Variants in ADGRG7 observed in about 807,000 individuals in gnomAD.
The protein encoded by ADGRG7 is adhesion G protein-coupled receptor G7.
A neutral mutation model predicts 88.6 loss-of-function variants in ADGRG7; 82 were observed. The observed-to-expected ratio is 0.93, with a 90% confidence interval of 0.77 to 1.11. The LOEUF is 1.11. Among genes scored for constraint, ADGRG7 ranks in the 50% most tolerant of loss-of-function variants. The probability of loss-of-function intolerance (pLI) is 0.00; values close to 1 mark genes in which losing one functional copy is unlikely to be tolerated. For synonymous variants in ADGRG7, 381 were observed against 345.2 expected, an observed-to-expected ratio of 1.10 and a Z score of -1.15; for missense variants, 945 against 953.4, an observed-to-expected ratio of 0.99 and a Z score of 0.12.
intron 1 of ADGRG7, among the ~76,000 whole-genome samples, chr3:100,622,920 T>C (rs1707334917): frequency 6.9e-6 from 1 of 144,274 alleles, no homozygotes; most frequent in Non-Finnish European, 1.6e-5. Flanking sequence ...CGGAAAATTT[T>C]TGTTTTTGTT....
chr3:100,643,427 C>T (rs747256166), intron 7 of ADGRG7, 22 bp downstream of exon 7: 1 of 1,613,016 alleles, frequency 6.2e-7, no homozygotes, highest in Non-Finnish European at 8.5e-7. Flanking sequence ...ATCTTATGTG[C>T]TTGTAACAGC....
intron 11 of ADGRG7, among the ~76,000 whole-genome samples, chr3:100,653,788 T>G (rs541492838): frequency 6.6e-6 from 1 of 151,990 alleles, no homozygotes; most frequent in East Asian, 1.9e-4. Flanking sequence ...AGGACTTTCA[T>G]GCAATTTTTT....
At chr3:100,683,625 G>T (rs953753072) in intron 15 of ADGRG7, among the ~76,000 whole-genome samples, 4 of 152,220 alleles carry the variant, frequency 2.6e-5, no homozygotes, top group African/African-American at 9.6e-5. Context: ...CTCGTCCTTG[G>T]CAGGTGTGGG....
At position 100,643,411 on chromosome 3, in the gene ADGRG7, CT is replaced by C; in HGVS notation, c.838+7del. The C allele has an allele frequency of 6.2e-7, 1 of 1,613,590 alleles. No homozygotes were observed. The highest frequency in any genetic ancestry group is 8.5e-7 in the Non-Finnish European group (1 of 1,179,772). ...TCGCTTCTCTGTGCAGAAAGGTGAG[CT>C]GTTAATCTTATGTGCTTGTAACAGC... On this transcript the variant is annotated splice_region_variant and intron_variant, in intron 7 of 15. Coordinates refer to ENST00000273352, the MANE Select transcript of ADGRG7 (RefSeq NM_032787.3).
rs1216901614 is a variant in ADGRG7 at position 100,629,657 on chromosome 3, G to A, written c.175G>A (p.Glu59Lys). Residue 59 changes from glutamate to lysine, a missense_variant, in exon 2 of 16, where the codon GAA (glutamate) becomes AAA (lysine). Coordinates refer to ENST00000273352, the MANE Select transcript of ADGRG7 (RefSeq NM_032787.3). Reference protein sequence around the residue: ...TEFCRNGGTWENGRCICTEEW... With the variant: ...TEFCRNGGTWKNGRCICTEEW... ...GTTCTGCAGGAATGGTGGAACCTGG[G>A]AAAATGGCAGATGTATTTGTACAGA... 1.2e-6 allele frequency: 2 copies of A among 1,613,358 alleles called. No individual in the cohort carries two copies. The highest frequency in any genetic ancestry group is 2.7e-5 in the African/African-American group (2 of 74,978).
chr3:100,677,949 A>G (rs2094967796), intron 15 of ADGRG7, among the ~76,000 whole-genome samples: 1 of 151,926 alleles, frequency 6.6e-6, no homozygotes, highest in Non-Finnish European at 1.5e-5. Flanking sequence ...CTTGTACTTG[A>G]GCATTGATAT....
intron 1 of ADGRG7, among the ~76,000 whole-genome samples, chr3:100,624,506 G>A (rs1360203950): frequency 1.2e-4 from 18 of 152,136 alleles, no homozygotes; most frequent in Non-Finnish European, 5.9e-5. Context: ...TCTGATAACA[G>A]TTTATTTTGC....
At chr3:100,652,319 A>G (rs1354000100) in intron 11 of ADGRG7, among the ~76,000 whole-genome samples, 2 of 152,202 alleles carry the variant, frequency 1.3e-5, no homozygotes, top group African/African-American at 2.4e-5. Flanking sequence ...ATGATGAAAC[A>G]TCGTAAAAAC....
intron 15 of ADGRG7, among the ~76,000 whole-genome samples, chr3:100,670,045 C>A (rs1361873864): frequency 6.6e-6 from 1 of 151,988 alleles, no homozygotes; most frequent in Non-Finnish European, 1.5e-5. Flanking sequence ...CTCAAAAAAA[C>A]AAAAATTATT....
chr3:100,624,458 G>A (rs964803116), intron 1 of ADGRG7, among the ~76,000 whole-genome samples: 6 of 152,226 alleles, frequency 3.9e-5, no homozygotes, highest in African/African-American at 1.4e-4. Flanking sequence ...TGAAGAGATT[G>A]CAAAAAATTT....
chr3:100,623,599 A>G (rs1475279263), intron 1 of ADGRG7, among the ~76,000 whole-genome samples: 2 of 152,170 alleles, frequency 1.3e-5, no homozygotes, highest in Non-Finnish European at 2.9e-5. Context: ...TTTGTTACAT[A>G]GGTATACGTG....
chr3:100,654,726 A>G (rs1337523775), intron 11 of ADGRG7, 109 bp from the exon 12 acceptor site: 1 of 666,010 alleles, frequency 1.5e-6, no homozygotes, highest in East Asian at 2.8e-5. Flanking sequence ...TATGAACTGA[A>G]CTTACATTGG....
intron 1 of ADGRG7, among the ~76,000 whole-genome samples, chr3:100,611,290 T>C (rs1326545888): frequency 6.8e-6 from 1 of 147,266 alleles, no homozygotes; most frequent in African/African-American, 2.5e-5. Context: ...CTTCCTTCCT[T>C]CCTTCCTTCC....
Position 100,633,286 on chromosome 3 carries a change from G to C in ADGRG7, c.356G>C (p.Arg119Pro). Reference sequence around the variant, plus strand: ...AAAGCGGGCAATCCAATGGCAGTCCGGTTGTGCAGTCTCTCTCTATATGGA... The same window carrying C: ...AAAGCGGGCAATCCAATGGCAGTCCCGTTGTGCAGTCTCTCTCTATATGGA... Reference protein sequence around the residue: ...TPNAGNPMAVRLCSLSLYGEI... With the variant: ...TPNAGNPMAVPLCSLSLYGEI... Residue 119 changes from arginine to proline, a missense_variant, in exon 4 of 16, where the codon CGG becomes CCG. Arg to Pro is a moderately radical substitution (Grantham distance 103, BLOSUM62 -2). Coordinates refer to ENST00000273352, the MANE Select transcript of ADGRG7 (RefSeq NM_032787.3). 6.7e-7 allele frequency: 1 copy of C among 1,500,120 alleles called. No homozygotes were observed. Among genetic ancestry groups the C allele is most frequent in the Non-Finnish European group, 8.9e-7 (1 of 1,121,902 alleles). 92.9% of individuals were successfully genotyped at this position (1,500,120 alleles called of 1,614,324 possible). A position where few individuals can be genotyped will look rare whatever the true frequency, so the allele number is the denominator to read the frequency against.
At chr3:100,656,328 A>C (rs951730094) in intron 13 of ADGRG7, among the ~76,000 whole-genome samples, 4 of 152,170 alleles carry the variant, frequency 2.6e-5, no homozygotes, top group African/African-American at 9.7e-5. Flanking sequence ...TCATCCAGAA[A>C]ATGGGAATAA....
chr3:100,673,237 T>C (rs2094960885), intron 15 of ADGRG7, among the ~76,000 whole-genome samples: 1 of 152,206 alleles, frequency 6.6e-6, no homozygotes. Context: ...ACTGCCTCAA[T>C]TTCAGAACTT....
At chr3:100,615,818 T>C (rs1707217023) in intron 1 of ADGRG7, among the ~76,000 whole-genome samples, 1 of 152,156 alleles carries the variant, frequency 6.6e-6, no homozygotes, top group Non-Finnish European at 1.5e-5. Context: ...CTGGTGCAAT[T>C]TCAATGCATT....
intron 15 of ADGRG7, among the ~76,000 whole-genome samples, chr3:100,673,854 T>A (rs2094961670): frequency 6.6e-6 from 1 of 152,184 alleles, no homozygotes; most frequent in Admixed American, 6.5e-5. Context: ...GTTTTTCGTG[T>A]CTCTATCTCC....
chr3:100,677,680 A>G (rs916369500), intron 15 of ADGRG7, among the ~76,000 whole-genome samples: 1 of 152,064 alleles, frequency 6.6e-6, no homozygotes, highest in African/African-American at 2.4e-5. Context: ...TTTGAAGGAT[A>G]TTTTCACCAG....
Sources: allele counts gnomAD v4.1 joint callset (sites outside exome capture counted in the v4.1 genomes callset), GRCh38; gene constraint gnomAD v4.1.1; transcripts MANE v1.5; gene names NCBI Gene and HGNC (gene_info 2026-07-23, HGNC 2026-07-21).